The following SPTLC2 variants were observed in gnomAD, a reference collection of about 807,000 sequenced individuals.
SPTLC2 encodes the protein serine palmitoyltransferase long chain base subunit 2.
SPTLC2 carries 21 observed loss-of-function variants against 62.0 expected under a neutral mutation model. The ratio of observed to expected loss-of-function variants is 0.34; its 90% confidence interval spans 0.24 to 0.49. The LOEUF is 0.49. SPTLC2 is among the 20% of genes least tolerant of loss of function. The pLI is 0.99. For synonymous variants in SPTLC2, 261 were observed against 261.8 expected, an observed-to-expected ratio of 1.00 and a Z score of 0.03; for missense variants, 511 against 713.0, an observed-to-expected ratio of 0.72 and a Z score of 3.23.
intron 2 of SPTLC2, among the ~76,000 whole-genome samples, chr14:77,587,626 G>C (rs1381224089): frequency 6.6e-6 from 1 of 151,934 alleles, no homozygotes; most frequent in Non-Finnish European, 1.5e-5. Context: ...AATTAACCGG[G>C]TGTGGTGGCA....
At chr14:77,541,301 A>C (rs2140009077) in intron 9 of SPTLC2, among the ~76,000 whole-genome samples, 1 of 152,296 alleles carries the variant, frequency 6.6e-6, no homozygotes, top group East Asian at 1.9e-4. Context: ...TGGCCTCCCA[A>C]AATGGTAGGA....
At chr14:77,524,838 C>G (rs2079401043) in intron 9 of SPTLC2, among the ~76,000 whole-genome samples, 1 of 152,024 alleles carries the variant, frequency 6.6e-6, no homozygotes, top group Non-Finnish European at 1.5e-5. Context: ...CAGTGGTTAC[C>G]AGAGGCTGGG....
At position 77,616,545 on chromosome 14, in the gene SPTLC2, C is replaced by A. The variant is rs963707121; in HGVS notation, c.35G>T (p.Arg12Leu). 1 of 1,535,980 alleles carries A rather than the reference C, an allele frequency of 6.5e-7. No homozygotes were observed. Among genetic ancestry groups the A allele is most frequent in the South Asian group, 1.2e-5 (1 of 84,092 alleles). The change falls in exon 1 of 12, where the codon CGC becomes CTC. Residue 12 changes from arginine to leucine, a missense_variant. By Grantham distance (102) the Arg-to-Leu change is moderately radical. Coordinates refer to ENST00000216484, the MANE Select transcript of SPTLC2 (RefSeq NM_004863.4). ...CACGCAGCCATTCGCCCGCACCGTG[C>A]GGCGGCAGCAGCAGCCTCCGGGCTC... ...RPEPGGCCCRRTVRANGCVAN... is the reference protein window; with the variant it reads ...RPEPGGCCCRLTVRANGCVAN...
chr14:77,514,708 A>C (rs2079350094), intron 11 of SPTLC2, among the ~76,000 whole-genome samples: 1 of 152,330 alleles, frequency 6.6e-6, no homozygotes, highest in Middle Eastern at 3.4e-3. Flanking sequence ...ATTGCTTCTA[A>C]GTATATTCAC....
intron 7 of SPTLC2, among the ~76,000 whole-genome samples, chr14:77,556,740 A>G (rs2079586252): frequency 6.6e-6 from 1 of 152,178 alleles, no homozygotes; most frequent in African/African-American, 2.4e-5. Context: ...TTGTTTTGAC[A>G]TATTAAAATA....
At chr14:77,535,234 C>A (rs1566772138) in intron 9 of SPTLC2, among the ~76,000 whole-genome samples, 1 of 152,100 alleles carries the variant, frequency 6.6e-6, no homozygotes, top group Non-Finnish European at 1.5e-5. Flanking sequence ...GCCCCAAGTG[C>A]TATTTCTATA....
intron 1 of SPTLC2, among the ~76,000 whole-genome samples, chr14:77,611,137 C>CA (rs71128656): frequency 0.011 from 1,392 of 126,500 alleles, 22 homozygotes; most frequent in African/African-American, 0.03. Context: ...ACTAAAAATA[C>CA]AAAAAAAAAA....
chr14:77,578,596 T>G (rs575047112), intron 3 of SPTLC2, among the ~76,000 whole-genome samples: 1 of 152,100 alleles, frequency 6.6e-6, no homozygotes, highest in Admixed American at 6.6e-5. Flanking sequence ...GGTGCATGCC[T>G]GTAGTCCCAG....
At position 77,518,197 on chromosome 14, in the gene SPTLC2, A is replaced by C. The variant is rs140089337; in HGVS notation, c.1440-30T>G. On this transcript the variant is annotated intron_variant, in intron 10 of 11. Transcript: ENST00000216484. ...AAAGGGGAAAACAAGAACAGAAACC[A>C]GGAGGAGTGAAAAAGCACTCATTAC... 47,381 of 1,613,796 alleles carry C rather than the reference A, an allele frequency of 0.029. 819 individuals carry two copies. Among genetic ancestry groups the C allele is most frequent in the Non-Finnish European group, 0.036 (42,395 of 1,179,774 alleles).
intron 4 of SPTLC2, 52 bp from the exon 5 acceptor site, chr14:77,570,560 T>A: frequency 6.2e-7 from 1 of 1,606,318 alleles, no homozygotes; most frequent in Non-Finnish European, 8.5e-7. Context: ...AATTTAAGAA[T>A]TACTCATCAC....
At chr14:77,550,149 A>G (rs1176551051) in intron 9 of SPTLC2, among the ~76,000 whole-genome samples, 2 of 152,264 alleles carry the variant, frequency 1.3e-5, no homozygotes, top group Non-Finnish European at 1.5e-5. Flanking sequence ...CAACATTAAT[A>G]AAACAACTTC....
intron 1 of SPTLC2, among the ~76,000 whole-genome samples, chr14:77,615,601 C>T (rs1244662246): frequency 6.6e-6 from 1 of 152,226 alleles, no homozygotes; most frequent in African/African-American, 2.4e-5. Context: ...AAACACATTT[C>T]AACAGAATAT....
At chr14:77,612,796 T>G (rs1345475790) in intron 1 of SPTLC2, among the ~76,000 whole-genome samples, 2 of 152,206 alleles carry the variant, frequency 1.3e-5, no homozygotes, top group African/African-American at 2.4e-5. Context: ...GCTTATTATT[T>G]AACATAAGAA....
chr14:77,601,907 G>C (rs188360372), intron 1 of SPTLC2, among the ~76,000 whole-genome samples: 10 of 152,166 alleles, frequency 6.6e-5, no homozygotes, highest in African/African-American at 2.4e-4. Flanking sequence ...TCACGGACTC[G>C]GGAAGGCAGC....
intron 4 of SPTLC2, among the ~76,000 whole-genome samples, chr14:77,570,800 C>G (rs780084645): frequency 2.6e-5 from 4 of 152,084 alleles, no homozygotes; most frequent in Non-Finnish European, 5.9e-5. Context: ...AGTTCCAGGT[C>G]TAGGCCTTAG....
chr14:77,519,476 G>C (rs1232639827), intron 10 of SPTLC2, among the ~76,000 whole-genome samples: 1 of 152,034 alleles, frequency 6.6e-6, no homozygotes, highest in Non-Finnish European at 1.5e-5. Flanking sequence ...CAGCACTTTG[G>C]GAGGCCGAGG....
chr14:77,584,246 CAG>C (rs1260840467), intron 2 of SPTLC2, among the ~76,000 whole-genome samples: 6 of 152,142 alleles, frequency 3.9e-5, no homozygotes, highest in Admixed American at 2.6e-4. Flanking sequence ...ATTAAGAACA[CAG>C]GGGGCAAAGC....
rs192249755 is a variant in SPTLC2 at position 77,512,999 on chromosome 14, G to A, written c.1570-596C>T. On this transcript the variant is annotated intron_variant, in intron 11 of 11. Transcript: ENST00000216484. ...CAAAGTGTTGGGATTATAGGCGTAAGCCAACGAACCCAGCAACTTTTTTTT... is the reference window on the plus strand; with the variant it reads ...CAAAGTGTTGGGATTATAGGCGTAAACCAACGAACCCAGCAACTTTTTTTT... Among the ~76,000 whole-genome samples the A allele has an allele frequency of 1.0e-2, 1,301 of 130,544 alleles. 12 individuals carry two copies. The highest frequency in any genetic ancestry group is 0.016 in the Non-Finnish European group (1,039 of 62,970). 85.6% of individuals were successfully genotyped at this position (130,544 alleles called of 152,430 possible).
At chr14:77,522,167 CTTTCT>C (rs2079387718) in intron 9 of SPTLC2, among the ~76,000 whole-genome samples, 1 of 151,600 alleles carries the variant, frequency 6.6e-6, no homozygotes, top group African/African-American at 2.4e-5. Context: ...TTTTCTTTTT[CTTTCT>C]TTTTTTTTTG....
Sources: allele counts gnomAD v4.1 joint callset (sites outside exome capture counted in the v4.1 genomes callset), GRCh38; gene constraint gnomAD v4.1.1; transcripts MANE v1.5; gene names NCBI Gene and HGNC (gene_info 2026-07-23, HGNC 2026-07-21).